Variants in AP2B1 observed in about 807,000 individuals in gnomAD.
AP2B1 encodes the protein AP-2 complex subunit beta.
A neutral mutation model predicts 102.0 loss-of-function variants in AP2B1; 23 were observed. The observed-to-expected ratio is 0.23, with a 90% confidence interval of 0.16 to 0.32. The LOEUF is 0.32. Among genes scored for constraint, AP2B1 ranks in the 10% least tolerant of loss-of-function variants. The pLI is 1.00. For missense variants in AP2B1, 541 were observed against 1,157.4 expected (o/e 0.47, Z 7.73); for synonymous variants, 381 against 421.2 (o/e 0.90, Z 1.17).
intron 17 of AP2B1, among the ~76,000 whole-genome samples, chr17:35,678,617 T>C (rs185251905): frequency 1.2e-3 from 187 of 152,340 alleles, no homozygotes; most frequent in African/African-American, 4.2e-3. Flanking sequence ...AAAATGATTA[T>C]GTGAACTTTT....
chr17:35,650,173 C>T (rs898426719), intron 12 of AP2B1, among the ~76,000 whole-genome samples: 14 of 152,162 alleles, frequency 9.2e-5, no homozygotes, highest in African/African-American at 3.4e-4. Flanking sequence ...TGGTCTCAAA[C>T]TCCTGATCTC....
chr17:35,688,036 C>G (rs1469201338), intron 18 of AP2B1, among the ~76,000 whole-genome samples: 1 of 152,124 alleles, frequency 6.6e-6, no homozygotes, highest in Non-Finnish European at 1.5e-5. Context: ...ATTGGTTTCC[C>G]TTTCTTAAAG....
At chr17:35,720,545 TTATATATATATA>T (rs1213888032) in intron 21 of AP2B1, among the ~76,000 whole-genome samples, 1 of 54,354 alleles carries the variant, frequency 1.8e-5, no homozygotes, top group South Asian at 8.5e-4. Context: ...TTTATTTTAT[TTATATATATATA>T]TATATATATA....
intron 9 of AP2B1, among the ~76,000 whole-genome samples, chr17:35,634,006 G>A (rs1337362431): frequency 6.6e-6 from 1 of 152,216 alleles, no homozygotes. Context: ...AATTAGCCGG[G>A]CATGGTGGCG....
chr17:35,694,740 G>T (rs1221657901), intron 18 of AP2B1, among the ~76,000 whole-genome samples: 1 of 152,250 alleles, frequency 6.6e-6, no homozygotes, highest in African/African-American at 2.4e-5. Flanking sequence ...AAAGTTAGCT[G>T]GGCATGGTGG....
intron 14 of AP2B1, among the ~76,000 whole-genome samples, chr17:35,667,897 G>T (rs553501453): frequency 1.6e-4 from 24 of 150,910 alleles, no homozygotes; most frequent in African/African-American, 5.9e-4. Context: ...AACATTTTTC[G>T]TAGGATCCTT....
chr17:35,675,620 C>CT lies in AP2B1; in HGVS notation c.2324+1310dup, dbSNP rs1243314976. Among the ~76,000 whole-genome samples the CT allele has an allele frequency of 9.4e-3, 1,323 of 140,564 alleles. 12 individuals are homozygous for CT. The highest frequency in any genetic ancestry group is 0.027 in the African/African-American group (1,047 of 38,538). 92.2% of individuals were successfully genotyped at this position (140,564 alleles called of 152,430 possible). A position where few individuals can be genotyped will look rare whatever the true frequency, so the allele number is the denominator to read the frequency against. On this transcript the variant is annotated intron_variant, in intron 17 of 21. Coordinates refer to ENST00000610402, the MANE Select transcript of AP2B1 (RefSeq NM_001030006.2). Reference sequence around the variant, plus strand: ...TGCAGAGTCTGCATTCATCTCTAGCCTTTTTTTTTTTCCTTTTTTTTTTTT... The same window carrying CT: ...TGCAGAGTCTGCATTCATCTCTAGCCTTTTTTTTTTTTCCTTTTTTTTTTTT...
At chr17:35,703,401 T>C (rs1338936075) in intron 18 of AP2B1, among the ~76,000 whole-genome samples, 1 of 152,100 alleles carries the variant, frequency 6.6e-6, no homozygotes, top group African/African-American at 2.4e-5. Context: ...GCAGCACTAT[T>C]CACAATAGCA....
At chr17:35,662,535 T>TG (rs1352877382) in intron 14 of AP2B1, among the ~76,000 whole-genome samples, 1 of 144,664 alleles carries the variant, frequency 6.9e-6, no homozygotes, top group Non-Finnish European at 1.5e-5. Flanking sequence ...TGGGTTTGTT[T>TG]TTTTTTTTTT....
chr17:35,621,504 C>G (rs571528641), intron 5 of AP2B1: 134 of 203,110 alleles, frequency 6.6e-4, no homozygotes, highest in African/African-American at 3.0e-3. Context: ...GGTAGGATAG[C>G]ATCTCCTCTG....
intron 17 of AP2B1, among the ~76,000 whole-genome samples, chr17:35,676,747 A>G (rs1285222907): frequency 1.3e-5 from 2 of 151,936 alleles, no homozygotes; most frequent in African/African-American, 4.8e-5. Context: ...CATTTCCCTA[A>G]TGACTACTAA....
chr17:35,590,915 C>G (rs573644907), intron 1 of AP2B1, among the ~76,000 whole-genome samples: 1 of 152,090 alleles, frequency 6.6e-6, no homozygotes, highest in African/African-American at 2.4e-5. Flanking sequence ...TTACTCATGC[C>G]TGTAATCCCA....
chr17:35,607,208 TA>T (rs1452963748), intron 4 of AP2B1, among the ~76,000 whole-genome samples: 5 of 151,354 alleles, frequency 3.3e-5, no homozygotes, highest in African/African-American at 1.2e-4. Context: ...TCCAGCCTAA[TA>T]TTTTTTTAAT....
chr17:35,717,525 T>C (rs1442158812), intron 21 of AP2B1, among the ~76,000 whole-genome samples, 176 bp downstream of exon 21: 2 of 152,198 alleles, frequency 1.3e-5, no homozygotes, highest in African/African-American at 4.8e-5. Flanking sequence ...CTCTCTGCAG[T>C]GTCTGCCCCA....
chr17:35,656,476 T>C (rs1013261764), intron 13 of AP2B1, among the ~76,000 whole-genome samples: 2 of 152,252 alleles, frequency 1.3e-5, no homozygotes, highest in Non-Finnish European at 2.9e-5. Flanking sequence ...CTGATCTTCA[T>C]GTCCATTCTC....
chr17:35,660,672 C>T (rs533612871), intron 14 of AP2B1, among the ~76,000 whole-genome samples: 2 of 151,848 alleles, frequency 1.3e-5, no homozygotes, highest in South Asian at 2.1e-4. Context: ...TTAGTAGAGA[C>T]GGAGCTTTAC....
At chr17:35,720,545 T>TATATATATATATATATATATA (rs1568062926) in intron 21 of AP2B1, among the ~76,000 whole-genome samples, 1 of 54,354 alleles carries the variant, frequency 1.8e-5, no homozygotes, top group African/African-American at 8.3e-5. Flanking sequence ...TTTATTTTAT[T>TATATATATATATATATATATA]TATATATATA....
chr17:35,653,241 G>A (rs1005947607), intron 13 of AP2B1, among the ~76,000 whole-genome samples: 1 of 152,082 alleles, frequency 6.6e-6, no homozygotes, highest in Non-Finnish European at 1.5e-5. Context: ...ATGCTTCAGT[G>A]ATATTGTTAT....
At chr17:35,598,552 C>G (rs2073369711) in intron 3 of AP2B1, among the ~76,000 whole-genome samples, 1 of 152,158 alleles carries the variant, frequency 6.6e-6, no homozygotes, top group South Asian at 2.1e-4. Flanking sequence ...TGTGTTAGAA[C>G]AGTGAAACGA....
Sources: gnomAD v4.1 joint callset for allele counts (sites outside exome capture counted in the v4.1 genomes callset) on GRCh38, gnomAD v4.1.1 for gene constraint, MANE v1.5 for transcripts, NCBI Gene and HGNC (gene_info 2026-07-23, HGNC 2026-07-21) for gene names.